Variants in FAM151B observed in about 807,000 individuals in gnomAD.
The protein encoded by FAM151B is family with sequence similarity 151 member B.
Under a neutral mutation model 31.2 loss-of-function variants are expected in FAM151B, and 24 were observed. The ratio of observed to expected loss-of-function variants is 0.77; its 90% CI spans 0.56 to 1.08. FAM151B has a LOEUF of 1.08. Ranked by LOEUF, FAM151B falls within the 50% of genes least tolerant of loss-of-function variation. The probability of loss-of-function intolerance (pLI) is 0.00; values close to 1 mark genes in which losing one functional copy is unlikely to be tolerated. For synonymous variants in FAM151B, 105 were observed against 111.4 expected (o/e 0.94, Z 0.36); for missense variants, 293 against 328.6 (o/e 0.89, Z 0.84).
intron 5 of FAM151B, among the ~76,000 whole-genome samples, chr5:80,541,351 C>G (rs913168071): frequency 6.6e-6 from 1 of 152,204 alleles, no homozygotes; most frequent in African/African-American, 2.4e-5. Flanking sequence ...CCTCCATCAG[C>G]AACATAGTCT....
chr5:80,490,345 A>T (rs1051381540), intron 1 of FAM151B, among the ~76,000 whole-genome samples: 1 of 152,182 alleles, frequency 6.6e-6, no homozygotes, highest in Non-Finnish European at 1.5e-5. Flanking sequence ...AACCAAGAAC[A>T]TGCCAGCCTG....
intron 2 of FAM151B, among the ~76,000 whole-genome samples, chr5:80,502,207 A>G (rs565133930): frequency 2.0e-5 from 3 of 152,280 alleles, no homozygotes; most frequent in Non-Finnish European, 4.4e-5. Flanking sequence ...ACCAGGCTGA[A>G]CATTTTTATA....
Position 80,522,143 on chromosome 5 carries a change from G to C in FAM151B, c.671+5G>C, listed in dbSNP as rs575087246. Reference sequence around the variant, plus strand: ...GCTGTTAAAGAAATCAAACAGGTATGTAATAGTTTAACAAATGTGTATGTG... The same window carrying C: ...GCTGTTAAAGAAATCAAACAGGTATCTAATAGTTTAACAAATGTGTATGTG... On this transcript the variant is annotated splice_donor_5th_base_variant and intron_variant, in intron 5 of 5. Transcript: ENST00000282226. 3.7e-6 allele frequency: 6 copies of C among 1,610,254 alleles called. No homozygotes were observed. Among genetic ancestry groups the C allele is most frequent in the African/African-American group, 2.7e-5 (2 of 75,020 alleles).
chr5:80,520,686 G>GTATATA (rs111680419), intron 4 of FAM151B, among the ~76,000 whole-genome samples: 4 of 139,090 alleles, frequency 2.9e-5, no homozygotes, highest in African/African-American at 1.1e-4. Flanking sequence ...ATATGTGTGT[G>GTATATA]TATATATATA....
intron 5 of FAM151B, among the ~76,000 whole-genome samples, chr5:80,538,438 T>TTC (rs1267501086): frequency 3.3e-3 from 185 of 55,592 alleles, no homozygotes; most frequent in African/African-American, 0.012. Flanking sequence ...CTTTCTTTCT[T>TTC]TCTTTCTTTC....
chr5:80,494,468 CTTTCTTT>C (rs1743444789), intron 1 of FAM151B, among the ~76,000 whole-genome samples: 1 of 43,578 alleles, frequency 2.3e-5, no homozygotes, highest in Non-Finnish European at 5.0e-5. Flanking sequence ...TTCTTTCTTT[CTTTCTTT>C]CTTTCTTTCT....
rs57212651 is a variant in FAM151B at position 80,521,116 on chromosome 5, CTTTTTTTTTTTTTTTT to C, written c.536-877_536-862del. ...ACAGGCATGAGCCACTGCACCTGGC[CTTTTTTTTTTTTTTTT>C]TTTTTTTTTAAAAAACAGGGTCTGG... On this transcript the variant is annotated intron_variant, in intron 4 of 5. Transcript: ENST00000282226. 6.0e-3 allele frequency among the ~76,000 whole-genome samples: 429 copies of C among 71,900 alleles called. 4 individuals are homozygous for C. The highest frequency in any genetic ancestry group is 0.024 in the African/African-American group (415 of 17,500). The allele number at this position is 71,900 out of a possible 152,430, so 47.2% of individuals were successfully genotyped here.
chr5:80,538,570 T>TTCCC (rs1227975292), intron 5 of FAM151B, among the ~76,000 whole-genome samples: 3 of 118,780 alleles, frequency 2.5e-5, no homozygotes, highest in African/African-American at 6.5e-5. Context: ...CCTTCCTTCC[T>TTCCC]TCCCTCCCTT....
rs1285472761 is a variant in FAM151B at position 80,536,758 on chromosome 5, G to A, written c.672-4915G>A. Among the ~76,000 whole-genome samples, 3 of 152,128 alleles carry A rather than the reference G, an allele frequency of 2.0e-5. No individual in the cohort carries two copies. The East Asian group carries it at 5.8e-4, about 29-fold the overall frequency. ...CCTGTCATTTGCAACGACATGGGTG[G>A]AACTGGAGATCATTATGTTAAGTGA... On this transcript the variant is annotated intron_variant, in intron 5 of 5. Transcript: ENST00000282226.
chr5:80,534,935 A>G (rs1276327570), intron 5 of FAM151B, among the ~76,000 whole-genome samples: 1 of 152,224 alleles, frequency 6.6e-6, no homozygotes, highest in Non-Finnish European at 1.5e-5. Context: ...AGCATACAAA[A>G]ATTGCTAACA....
chr5:80,522,382 C>G, intron 5 of FAM151B: 1 of 360,106 alleles, frequency 2.8e-6, no homozygotes, highest in East Asian at 4.0e-5. Context: ...ATAGTAGGTG[C>G]TCAGTAAGTG....
In FAM151B at chr5:80,508,922, C is replaced by T. The variant is rs1744083155; in HGVS notation, c.152-4682C>T. ...CTTGGCTTGATATTGACACTGAGGCCATGTTTTACTGGTGCTATGGTTTGA... is the reference window on the plus strand; with the variant it reads ...CTTGGCTTGATATTGACACTGAGGCTATGTTTTACTGGTGCTATGGTTTGA... On this transcript the variant is annotated intron_variant, in intron 2 of 5. Coordinates refer to ENST00000282226, the MANE Select transcript of FAM151B (RefSeq NM_205548.3). Among the ~76,000 whole-genome samples, 2 of 151,972 alleles carry T rather than the reference C, an allele frequency of 1.3e-5. 1 individual carries two copies. Among genetic ancestry groups the T allele is most frequent in the South Asian group, 4.1e-4 (2 of 4,820 alleles).
chr5:80,504,292 T>C lies in FAM151B; in HGVS notation c.151+2375T>C, dbSNP rs562491271. 3.3e-5 allele frequency among the ~76,000 whole-genome samples: 5 copies of C among 152,248 alleles called. No individual in the cohort carries two copies. In the South Asian group the frequency reaches 1.0e-3, roughly 32 times the overall value. ...CAATCATTATGATTCTATTCCAAAA[T>C]ACATTTTGAATTAGTCCACATCTTT... is the stretch of plus-strand genomic sequence containing the variant. On this transcript the variant is annotated intron_variant, in intron 2 of 5. Coordinates refer to ENST00000282226, the MANE Select transcript of FAM151B (RefSeq NM_205548.3).
intron 5 of FAM151B, among the ~76,000 whole-genome samples, chr5:80,526,318 T>G (rs969355073): frequency 3.3e-5 from 5 of 152,018 alleles, no homozygotes; most frequent in Non-Finnish European, 7.4e-5. Context: ...TTTTTAATAG[T>G]CTTTCAGGGC....
intron 4 of FAM151B, among the ~76,000 whole-genome samples, chr5:80,520,529 C>T (rs1017855500): frequency 1.3e-5 from 2 of 151,256 alleles, no homozygotes; most frequent in African/African-American, 4.9e-5. Flanking sequence ...CCTGTAGTCT[C>T]AGCTACTCGG....
At chr5:80,529,793 G>C (rs1028615103) in intron 5 of FAM151B, among the ~76,000 whole-genome samples, 1 of 150,940 alleles carries the variant, frequency 6.6e-6, no homozygotes, top group Non-Finnish European at 1.5e-5. Flanking sequence ...ATTCACAGCT[G>C]AATCTACCAG....
chr5:80,517,976 G>A (rs539162718), intron 3 of FAM151B, among the ~76,000 whole-genome samples: 58 of 151,876 alleles, frequency 3.8e-4, no homozygotes, highest in African/African-American at 1.4e-3. Flanking sequence ...GGAGGCAGAG[G>A]CAGGAGAATG....
At position 80,528,444 on chromosome 5, in the gene FAM151B, G is replaced by A. The variant is rs541191049; in HGVS notation, c.671+6306G>A. ...ACTGAATGGATGAAAAAAAAAAAGA[G>A]CGAGACTCATCAATCTGTTGCTTAC... On this transcript the variant is annotated intron_variant, in intron 5 of 5. Transcript: ENST00000282226. Among the ~76,000 whole-genome samples, 35 of 151,998 alleles carry A rather than the reference G, an allele frequency of 2.3e-4. 1 individual carries two copies. In the South Asian group the frequency reaches 4.0e-3, roughly 17 times the overall value.
In FAM151B at chr5:80,488,144, C is replaced by G. The variant is rs748947459; in HGVS notation, c.21C>G (p.Gly7=). The G allele has an allele frequency of 6.5e-7, 1 of 1,542,950 alleles. No homozygotes were observed. Among genetic ancestry groups the G allele is most frequent in the African/African-American group, 1.4e-5 (1 of 72,654 alleles). MAASAG[G]PGSWSENILE... is the part of the protein sequence containing the mutation. ...TCACCATGGCAGCATCCGCTGGAGG[C>G]CCAGGTAAGCGCCGAGCGCGCGGCC... Residue 7 remains glycine, a synonymous_variant, in exon 1 of 6, where the codon GGC becomes GGG. Coordinates refer to ENST00000282226, the MANE Select transcript of FAM151B (RefSeq NM_205548.3).
Sources: allele counts gnomAD v4.1 joint callset (sites outside exome capture counted in the v4.1 genomes callset), GRCh38; gene constraint gnomAD v4.1.1; transcripts MANE v1.5; gene names NCBI Gene and HGNC (gene_info 2026-07-23, HGNC 2026-07-21).